Variants in KCNH7 observed in about 807,000 individuals in gnomAD.
KCNH7 encodes the protein potassium voltage-gated channel subfamily H member 7, also known as voltage-gated inwardly rectifying potassium channel KCNH7.
A neutral mutation model predicts 120.8 loss-of-function variants in KCNH7; 49 were observed. The ratio of observed to expected loss-of-function variants is 0.41; its 90% CI spans 0.32 to 0.51. The LOEUF (loss-of-function observed/expected upper bound fraction) is 0.51. KCNH7 is among the 20% of genes least tolerant of loss of function. KCNH7 has a pLI of 0.38. For synonymous variants in KCNH7, 547 were observed against 516.1 expected, an observed-to-expected ratio of 1.06 and a Z score of -0.81; for missense variants, 1,097 against 1,446.6, an observed-to-expected ratio of 0.76 and a Z score of 3.92.
At chr2:162,377,858 T>A (rs913182234) in intron 14 of KCNH7, among the ~76,000 whole-genome samples, 14 of 152,232 alleles carry the variant, frequency 9.2e-5, no homozygotes, top group Non-Finnish European at 1.8e-4. Flanking sequence ...AAAAGTTTTA[T>A]ATAGTAATAA....
intron 2 of KCNH7, among the ~76,000 whole-genome samples, chr2:162,703,193 A>G (rs1209713073): frequency 6.6e-6 from 1 of 152,136 alleles, no homozygotes; most frequent in East Asian, 1.9e-4. Context: ...AATAGGCAAT[A>G]CCTAATTAGA....
intron 9 of KCNH7, among the ~76,000 whole-genome samples, chr2:162,410,578 C>A (rs1687361741): frequency 6.6e-6 from 1 of 151,894 alleles, no homozygotes; most frequent in African/African-American, 2.4e-5. Context: ...CAATTGCAAC[C>A]AAAACCACAA....
chr2:162,792,108 C>T (rs1683967186), intron 2 of KCNH7, among the ~76,000 whole-genome samples: 1 of 152,080 alleles, frequency 6.6e-6, no homozygotes, highest in East Asian at 1.9e-4. Flanking sequence ...TTATGTTGAA[C>T]CAAACTTGCA....
chr2:162,439,453 C>T (rs926806166), intron 7 of KCNH7, among the ~76,000 whole-genome samples: 3 of 152,102 alleles, frequency 2.0e-5, no homozygotes, highest in African/African-American at 7.2e-5. Context: ...CTAACTATAG[C>T]AAAGGGGACA....
At chr2:162,463,812 TAA>T (rs769466935) in intron 6 of KCNH7, among the ~76,000 whole-genome samples, 9 of 132,824 alleles carry the variant, frequency 6.8e-5, no homozygotes, top group African/African-American at 1.1e-4. Context: ...AACAAAAAAG[TAA>T]AAAAAAAAAA....
At chr2:162,650,052 A>G (rs535096155) in intron 2 of KCNH7, among the ~76,000 whole-genome samples, 3 of 152,310 alleles carry the variant, frequency 2.0e-5, no homozygotes, top group East Asian at 1.9e-4. Context: ...GACCTTTTAC[A>G]TATTACATGC....
At chr2:162,666,770 A>C (rs987391268) in intron 2 of KCNH7, among the ~76,000 whole-genome samples, 2 of 152,140 alleles carry the variant, frequency 1.3e-5, no homozygotes, top group Non-Finnish European at 2.9e-5. Context: ...GGATGATGTC[A>C]GCAACAAGCT....
At chr2:162,699,541 T>A (rs914825002) in intron 2 of KCNH7, among the ~76,000 whole-genome samples, 1 of 152,162 alleles carries the variant, frequency 6.6e-6, no homozygotes, top group Non-Finnish European at 1.5e-5. Flanking sequence ...ATGCTTTAAG[T>A]TCTGGGTTGC....
chr2:162,371,589 A>G lies in KCNH7; in HGVS notation c.*240T>C. 1 of 870,876 alleles carries G rather than the reference A, an allele frequency of 1.1e-6. No individual in the cohort carries two copies. The highest frequency in any genetic ancestry group is 1.6e-6 in the Non-Finnish European group (1 of 623,884). 53.9% of individuals were successfully genotyped at this position (870,876 alleles called of 1,614,324 possible). ...CATGTGATTTAAAAAATAAAAATAA[A>G]AAATAAGGTGCCGTGAGATGCTGGC... is the stretch of plus-strand genomic sequence containing the variant. On this transcript the variant is annotated 3_prime_UTR_variant, in exon 16 of 16. Coordinates refer to ENST00000332142, the MANE Select transcript of KCNH7 (RefSeq NM_033272.4).
At chr2:162,565,979 T>G (rs753762900) in intron 2 of KCNH7, among the ~76,000 whole-genome samples, 9 of 152,108 alleles carry the variant, frequency 5.9e-5, no homozygotes, top group Admixed American at 5.9e-4. Flanking sequence ...GTACTTTGTA[T>G]GCTAAATACT....
chr2:162,401,981 G>C (rs1299858894), intron 9 of KCNH7, among the ~76,000 whole-genome samples: 1 of 151,776 alleles, frequency 6.6e-6, no homozygotes, highest in African/African-American at 2.4e-5. Context: ...GCTGCTACAG[G>C]AACTCAGGTT....
intron 2 of KCNH7, among the ~76,000 whole-genome samples, chr2:162,714,901 C>A (rs1687057283): frequency 6.6e-6 from 1 of 152,040 alleles, no homozygotes; most frequent in Non-Finnish European, 1.5e-5. Context: ...CCAGGTGTAG[C>A]CCAGGGGCCA....
chr2:162,591,495 C>T (rs1412845829), intron 2 of KCNH7, among the ~76,000 whole-genome samples: 4 of 152,114 alleles, frequency 2.6e-5, no homozygotes, highest in East Asian at 1.9e-4. Context: ...AGGACACAAA[C>T]ACACACTCAC....
intron 8 of KCNH7, among the ~76,000 whole-genome samples, chr2:162,431,302 A>T (rs961445134): frequency 2.6e-5 from 4 of 152,136 alleles, no homozygotes; most frequent in Non-Finnish European, 5.9e-5. Context: ...TAATTAGCAC[A>T]TATACGATCT....
At chr2:162,500,129 T>A (rs1690626887) in intron 6 of KCNH7, among the ~76,000 whole-genome samples, 1 of 148,422 alleles carries the variant, frequency 6.7e-6, no homozygotes, top group Non-Finnish European at 1.5e-5. Flanking sequence ...GGATATATAT[T>A]ATACATTATA....
intron 2 of KCNH7, among the ~76,000 whole-genome samples, chr2:162,803,024 T>C (rs978314460): frequency 1.3e-4 from 20 of 151,858 alleles, no homozygotes; most frequent in African/African-American, 4.3e-4. Context: ...CATTTAACCA[T>C]AGCATTAATC....
At chr2:162,791,601 G>T (rs1231383946) in intron 2 of KCNH7, among the ~76,000 whole-genome samples, 2 of 151,950 alleles carry the variant, frequency 1.3e-5, no homozygotes, top group Non-Finnish European at 2.9e-5. Context: ...TGGTGTATAG[G>T]AATGCTAGTG....
intron 2 of KCNH7, among the ~76,000 whole-genome samples, chr2:162,706,246 G>T (rs1044468313): frequency 1.3e-5 from 2 of 151,942 alleles, no homozygotes. Context: ...TTAAGAAACT[G>T]ATAATTTTTC....
chr2:162,468,768 C>T (rs1160810640), intron 6 of KCNH7, among the ~76,000 whole-genome samples: 2 of 151,842 alleles, frequency 1.3e-5, no homozygotes, highest in Middle Eastern at 3.4e-3. Flanking sequence ...AGGATGGTCT[C>T]GATCTACTGA....
Sources: allele counts gnomAD v4.1 joint callset (sites outside exome capture counted in the v4.1 genomes callset), GRCh38; gene constraint gnomAD v4.1.1; transcripts MANE v1.5; gene names NCBI Gene and HGNC (gene_info 2026-07-23, HGNC 2026-07-21).